TRPC7: variants seen among roughly 807,000 people sequenced by gnomAD.
The protein encoded by TRPC7 is short transient receptor potential channel 7.
A neutral mutation model predicts 90.1 loss-of-function variants in TRPC7; 42 were observed. That is an observed-to-expected ratio of 0.47 (90% CI 0.36 to 0.60). The LOEUF (loss-of-function observed/expected upper bound fraction) is 0.60, where lower values mean the gene tolerates loss of function less well. Among genes scored for constraint, TRPC7 ranks in the 20% least tolerant of loss-of-function variants. The pLI is 0.00. For synonymous variants in TRPC7, 451 were observed against 436.3 expected (o/e 1.03, Z -0.42); for missense variants, 955 against 1,112.3 (o/e 0.86, Z 2.01).
intron 2 of TRPC7, among the ~76,000 whole-genome samples, chr5:136,336,909 A>G (rs1759683613): frequency 6.6e-6 from 1 of 152,220 alleles, no homozygotes; most frequent in Non-Finnish European, 1.5e-5. Flanking sequence ...TTCATCAGAA[A>G]GATGAACCAC....
At position 136,212,801 on chromosome 5, in the gene TRPC7, T is replaced by TAATCTTAATA. The variant is rs1755134994; in HGVS notation, c.*624_*633dup. Among the ~76,000 whole-genome samples the TAATCTTAATA allele has an allele frequency of 1.3e-5, 2 of 152,272 alleles. No homozygotes were observed. Among genetic ancestry groups the TAATCTTAATA allele is most frequent in the African/African-American group, 4.8e-5 (2 of 41,472 alleles). On this transcript the variant is annotated 3_prime_UTR_variant, in exon 12 of 12. Transcript: ENST00000513104. ...TTAGGTAAAAATAGTAAATACAAGA[T>TAATCTTAATA]AATCTTAATAAAGGTAAAAATACAT... is the stretch of plus-strand genomic sequence containing the variant.
rs1048026479 is a variant in TRPC7, at chr5:136,285,731, G to A, written c.964-10894C>T. Among the ~76,000 whole-genome samples the A allele has an allele frequency of 5.3e-5, 8 of 152,274 alleles. No homozygotes were observed. In the South Asian group the frequency reaches 1.0e-3, roughly 20 times the overall value. On this transcript the variant is annotated intron_variant, in intron 3 of 11. Coordinates refer to ENST00000513104, the MANE Select transcript of TRPC7 (RefSeq NM_020389.3). ...CTGATGATAGATTTTGTAATCTCCC[G>A]GCTGGACAAGAGGCCAGATGAATGG...
At chr5:136,283,474 G>T (rs190505109) in intron 3 of TRPC7, among the ~76,000 whole-genome samples, 5 of 152,342 alleles carry the variant, frequency 3.3e-5, no homozygotes, top group Middle Eastern at 3.4e-3. Context: ...CTCTTTCCCA[G>T]GCTCCAGGCC....
chr5:136,334,907 T>C (rs1759603418), intron 2 of TRPC7, among the ~76,000 whole-genome samples: 1 of 152,238 alleles, frequency 6.6e-6, no homozygotes, highest in Non-Finnish European at 1.5e-5. Flanking sequence ...AAGCCAAGGC[T>C]GACTGTTCAA....
intron 2 of TRPC7, among the ~76,000 whole-genome samples, chr5:136,321,187 C>T (rs1191378867): frequency 6.6e-6 from 1 of 152,136 alleles, no homozygotes; most frequent in Non-Finnish European, 1.5e-5. Flanking sequence ...TCCCTCTCAT[C>T]CTGTTGCCTC....
chr5:136,246,289 G>A (rs1170024368), intron 7 of TRPC7, among the ~76,000 whole-genome samples: 1 of 152,188 alleles, frequency 6.6e-6, no homozygotes, highest in Non-Finnish European at 1.5e-5. Flanking sequence ...ACAAGACCTG[G>A]CTTGCCCAGC....
intron 3 of TRPC7, among the ~76,000 whole-genome samples, chr5:136,291,958 C>T (rs528249671): frequency 6.6e-6 from 1 of 152,246 alleles, no homozygotes; most frequent in East Asian, 1.9e-4. Flanking sequence ...GACCACAGTG[C>T]AATCAAACTA....
intron 3 of TRPC7, among the ~76,000 whole-genome samples, chr5:136,309,491 T>C (rs1355967286): frequency 2.0e-5 from 3 of 152,198 alleles, no homozygotes; most frequent in Non-Finnish European, 4.4e-5. Context: ...CCCTCAACTT[T>C]TCTCCTGTGG....
At chr5:136,324,691 T>A (rs1759293399) in intron 2 of TRPC7, among the ~76,000 whole-genome samples, 2 of 152,340 alleles carry the variant, frequency 1.3e-5, no homozygotes, top group Admixed American at 1.3e-4. Flanking sequence ...TTCAGGAAAT[T>A]ATTAGTTTGC....
chr5:136,349,022 A>G (rs1760100730), intron 2 of TRPC7, among the ~76,000 whole-genome samples: 1 of 152,154 alleles, frequency 6.6e-6, no homozygotes, highest in South Asian at 2.1e-4. Flanking sequence ...GCACTTGTGT[A>G]GGAAATGATT....
chr5:136,239,744 G>A (rs1008032161), intron 7 of TRPC7, among the ~76,000 whole-genome samples: 12 of 152,230 alleles, frequency 7.9e-5, no homozygotes, highest in East Asian at 3.8e-4. Flanking sequence ...CCTCCCAGGC[G>A]ATCTATCTAG....
chr5:136,344,004 A>G lies in TRPC7; in HGVS notation c.780+12604T>C, dbSNP rs150460620. 7.9e-3 allele frequency among the ~76,000 whole-genome samples: 1,200 copies of G among 152,370 alleles called. 20 individuals are homozygous for G. The highest frequency in any genetic ancestry group is 6.8e-3 in the Middle Eastern group (2 of 294). ...GTATGTTAATCACAGCACTGTTTAC[A>G]GTAGCAAAGACAGAGAATCAACCTC... On this transcript the variant is annotated intron_variant, in intron 2 of 11. Transcript: ENST00000513104.
At position 136,247,883 on chromosome 5, in the gene TRPC7, C is replaced by T; in HGVS notation, c.1580-148G>A. 1.0e-6 allele frequency: 1 copy of T among 972,700 alleles called. No individual in the cohort carries two copies. Among genetic ancestry groups the T allele is most frequent in the Non-Finnish European group, 1.5e-6 (1 of 672,656 alleles). The allele number at this position is 972,700 out of a possible 1,614,324, so 60.3% of individuals were successfully genotyped here. Reference sequence around the variant, plus strand: ...TAATCCCAATATCCAGAAGTTGCCACCCTCCCTCTTGGAATGTGCTGGACC... The same window carrying T: ...TAATCCCAATATCCAGAAGTTGCCATCCTCCCTCTTGGAATGTGCTGGACC... On this transcript the variant is annotated intron_variant, in intron 6 of 11. Coordinates refer to ENST00000513104, the MANE Select transcript of TRPC7 (RefSeq NM_020389.3). The surrounding 1 kb of genome is among the most constrained non-coding windows in gnomAD (Gnocchi z 4.2).
intron 10 of TRPC7, among the ~76,000 whole-genome samples, chr5:136,218,123 T>C (rs958625799): frequency 1.4e-5 from 2 of 146,244 alleles, no homozygotes; most frequent in Non-Finnish European, 3.0e-5. Context: ...ATATATTATA[T>C]ATAAAATATA....
chr5:136,305,513 C>A (rs1276561434), intron 3 of TRPC7, among the ~76,000 whole-genome samples: 1 of 152,110 alleles, frequency 6.6e-6, no homozygotes. Flanking sequence ...AGGATTTTCC[C>A]CCACCCAGGA....
chr5:136,325,871 C>T (rs925750596), intron 2 of TRPC7, among the ~76,000 whole-genome samples: 2 of 152,162 alleles, frequency 1.3e-5, no homozygotes, highest in African/African-American at 2.4e-5. Flanking sequence ...GGAAAAACCC[C>T]ATCTCTCCAC....
intron 7 of TRPC7, among the ~76,000 whole-genome samples, chr5:136,235,104 A>C (rs1457598005): frequency 6.6e-6 from 1 of 152,228 alleles, no homozygotes; most frequent in Non-Finnish European, 1.5e-5. Context: ...GGCCACACAA[A>C]ACTTTACTTG....
chr5:136,273,707 T>C (rs1395816942), intron 4 of TRPC7, among the ~76,000 whole-genome samples: 2 of 152,228 alleles, frequency 1.3e-5, no homozygotes, highest in African/African-American at 4.8e-5. Context: ...GGAACTAATC[T>C]CCCTGTAGTC....
rs764185067 is a variant in TRPC7 at position 136,356,886 on chromosome 5, T to G, written c.502A>C (p.Ile168Leu). Residue 168 changes from isoleucine to leucine, a missense_variant, in exon 2 of 12, where the codon ATC becomes CTC. By Grantham distance (5) the Ile-to-Leu change is conservative (BLOSUM62 2). Around this residue, in one of 4 missense-constraint regions of TRPC7, gnomAD observed 484 missense variants for 509.6 expected, o/e 0.95. Transcript: ENST00000513104. ...GTRFSHDITP[I>L]ILAAHCQEYE... Reference sequence around the variant, plus strand: ...TCCTGGCAGTGCGCCGCCAGGATGATGGGCGTGATGTCGTGGGAGAAGCGC... The same window carrying G: ...TCCTGGCAGTGCGCCGCCAGGATGAGGGGCGTGATGTCGTGGGAGAAGCGC... 1.9e-5 allele frequency: 30 copies of G among 1,613,844 alleles called. No homozygotes were observed. Among genetic ancestry groups the G allele is most frequent in the Non-Finnish European group, 2.3e-5 (27 of 1,179,950 alleles).
Sources: allele counts gnomAD v4.1 joint callset (sites outside exome capture counted in the v4.1 genomes callset), GRCh38; gene constraint gnomAD v4.1.1; regional missense constraint gnomAD v4.1.1; non-coding constraint Gnocchi (gnomAD v3.1); transcripts MANE v1.5; gene names NCBI Gene and HGNC (gene_info 2026-07-23, HGNC 2026-07-21).